KANSL1L: variants seen among roughly 807,000 people sequenced by gnomAD.
KANSL1L encodes KAT8 regulatory NSL complex subunit 1-like protein.
A neutral mutation model predicts 108.6 loss-of-function variants in KANSL1L; 25 were observed. That is an observed-to-expected ratio of 0.23 (90% confidence interval 0.17 to 0.32). KANSL1L has a LOEUF of 0.32. Ranked by LOEUF, KANSL1L falls within the 10% of genes least tolerant of loss-of-function variation. The pLI is 1.00. For missense variants in KANSL1L, 1,137 were observed against 1,125.7 expected (o/e 1.01, Z -0.14); for synonymous variants, 405 against 395.1 (o/e 1.03, Z -0.30).
intron 12 of KANSL1L, among the ~76,000 whole-genome samples, chr2:210,026,587 A>G (rs2093940154): frequency 6.6e-6 from 1 of 152,190 alleles, no homozygotes; most frequent in Non-Finnish European, 1.5e-5. Context: ...TTACTTTTTT[A>G]AAGTCCAAAA....
intron 1 of KANSL1L, among the ~76,000 whole-genome samples, chr2:210,168,580 A>G (rs1017023601): frequency 2.0e-5 from 3 of 152,094 alleles, no homozygotes; most frequent in Admixed American, 1.3e-4. Flanking sequence ...TTCATAGAAG[A>G]CAGATGAATG....
intron 6 of KANSL1L, among the ~76,000 whole-genome samples, chr2:210,066,517 C>T (rs770269446): frequency 1.3e-5 from 2 of 152,172 alleles, no homozygotes; most frequent in Non-Finnish European, 2.9e-5. Context: ...TAGGTATATG[C>T]CCTGGTAACC....
chr2:210,069,173 A>G (rs2094488970), intron 6 of KANSL1L, among the ~76,000 whole-genome samples: 1 of 152,210 alleles, frequency 6.6e-6, no homozygotes, highest in Admixed American at 6.5e-5. Context: ...ACCTCACAGT[A>G]GAATATAATT....
In KANSL1L at chr2:210,154,076, T is replaced by G. The variant is rs762714098; in HGVS notation, c.507A>C (p.Gln169His). ...CATTCTCTTGATACCATTTACAGTT[T>G]TGTAGTTGTACTTTATCTACATTAG... ...KDTNVDKVQL[Q>H]NCKWYQENAL... The change falls in exon 2 of 15, where the codon CAA becomes CAC. Residue 169 changes from glutamine (Q) to histidine (H), a missense_variant. By Grantham distance (24) the Gln-to-His change is conservative. Coordinates refer to ENST00000281772, the MANE Select transcript of KANSL1L (RefSeq NM_152519.4). 6.2e-7 allele frequency: 1 copy of G among 1,613,454 alleles called. No individual in the cohort carries two copies. The highest frequency in any genetic ancestry group is 8.5e-7 in the Non-Finnish European group (1 of 1,179,514).
At chr2:210,166,703 C>G (rs933311748) in intron 1 of KANSL1L, among the ~76,000 whole-genome samples, 4 of 151,920 alleles carry the variant, frequency 2.6e-5, no homozygotes, top group Non-Finnish European at 2.9e-5. Context: ...AGCAAAGAAA[C>G]AAACTAGGAA....
At chr2:210,097,605 A>G (rs1225903191) in intron 5 of KANSL1L, among the ~76,000 whole-genome samples, 1 of 152,102 alleles carries the variant, frequency 6.6e-6, no homozygotes, top group Non-Finnish European at 1.5e-5. Flanking sequence ...TATAGGAGTT[A>G]TTAATTATAG....
chr2:210,079,452 T>C (rs2094565499), intron 5 of KANSL1L, among the ~76,000 whole-genome samples: 1 of 150,466 alleles, frequency 6.6e-6, no homozygotes, highest in South Asian at 2.1e-4. Flanking sequence ...AAAAATTAGC[T>C]GGCCCTGGTG....
rs574977588 is a variant in KANSL1L at position 210,046,095 on chromosome 2, C to A, written c.1756-1991G>T. Among the ~76,000 whole-genome samples the A allele has an allele frequency of 2.0e-5, 3 of 152,122 alleles. No homozygotes were observed. The South Asian group carries it at 6.2e-4, about 31-fold the overall frequency. ...TAACCTCAAATGATGGAAGGAAGAG[C>A]TTTCTGGGGTTCCTTTTATAAGGGC... On this transcript the variant is annotated intron_variant, in intron 6 of 14. Transcript: ENST00000281772.
intron 6 of KANSL1L, among the ~76,000 whole-genome samples, chr2:210,069,555 G>GTGAGTGAT (rs2125307147): frequency 6.6e-6 from 1 of 152,112 alleles, no homozygotes; most frequent in South Asian, 2.1e-4. Flanking sequence ...TTACCATAAG[G>GTGAGTGAT]TGAGTGATTT....
intron 2 of KANSL1L, among the ~76,000 whole-genome samples, chr2:210,146,001 G>A (rs1327592475): frequency 6.6e-6 from 1 of 152,086 alleles, no homozygotes. Context: ...TGGTGGTGGT[G>A]GGGGTAGAGG....
upstream of KANSL1L, chr2:210,171,779 C>CG (rs1207340473): frequency 6.6e-6 from 1 of 152,292 alleles, no homozygotes; most frequent in East Asian, 1.9e-4. Context: ...CCGTCCGCGC[C>CG]GGGGCCTCGA....
chr2:210,023,927 TTTG>T (rs2125109511), intron 14 of KANSL1L, 103 bp downstream of exon 14: 1 of 667,054 alleles, frequency 1.5e-6, no homozygotes, highest in African/African-American at 1.9e-5. Context: ...ACTTATTGAA[TTTG>T]TTATGTAATG....
chr2:210,040,428 G>T lies in KANSL1L; in HGVS notation c.2021C>A (p.Pro674Gln). The T allele has an allele frequency of 7.2e-7, 1 of 1,395,958 alleles. No individual in the cohort carries two copies. The highest frequency in any genetic ancestry group is 1.0e-6 in the Non-Finnish European group (1 of 983,706). The allele number at this position is 1,395,958 out of a possible 1,614,324, so 86.5% of individuals were successfully genotyped here. A position where few individuals can be genotyped will look rare whatever the true frequency, so the allele number is the denominator to read the frequency against. Residue 674 changes from proline to glutamine, a missense_variant, in exon 8 of 15, where the codon CCA becomes CAA. Pro to Gln is a moderately conservative substitution (Grantham distance 76, BLOSUM62 -1). This residue lies in a region of KANSL1L where 575 missense variants were observed against 567.1 expected (regional missense o/e 1.01). Transcript: ENST00000281772. ...NKFVDEYIIS[P>Q]SPVHSTLNQW... is the part of the protein sequence containing the mutation. The stretch of plus-strand genomic sequence containing the variant: ...CTGTAAATGTGACATACCAGGTGAT[G>T]GAGATATGATATATTCATCTACAAA...
intron 3 of KANSL1L, among the ~76,000 whole-genome samples, chr2:210,112,125 G>T (rs1352736727): frequency 1.3e-5 from 2 of 152,080 alleles, no homozygotes; most frequent in Non-Finnish European, 2.9e-5. Flanking sequence ...TCTTAATCCA[G>T]ACTATCGTTG....
intron 3 of KANSL1L, among the ~76,000 whole-genome samples, chr2:210,114,956 G>C (rs1425217196): frequency 6.6e-6 from 1 of 151,342 alleles, no homozygotes; most frequent in Non-Finnish European, 1.5e-5. Context: ...AAAAGGAAAT[G>C]AGAAAGAAAT....
intron 5 of KANSL1L, among the ~76,000 whole-genome samples, chr2:210,091,939 A>G (rs2094696209): frequency 6.6e-6 from 1 of 152,150 alleles, no homozygotes; most frequent in African/African-American, 2.4e-5. Context: ...CTGTGTATAG[A>G]GTTTCTAGGT....
chr2:210,093,255 C>T (rs778884382), intron 5 of KANSL1L, among the ~76,000 whole-genome samples: 7 of 152,280 alleles, frequency 4.6e-5, no homozygotes, highest in South Asian at 2.1e-4. Context: ...AGGAGATTCT[C>T]GTGCCTCAGC....
Position 210,024,219 on chromosome 2 carries a change from A to AAAAC in KANSL1L, c.2565-22_2565-19dup. 1.3e-6 allele frequency: 2 copies of AAAAC among 1,528,894 alleles called. No individual in the cohort carries two copies. Among genetic ancestry groups the AAAAC allele is most frequent in the South Asian group, 2.5e-5 (2 of 80,402 alleles). The allele number at this position is 1,528,894 out of a possible 1,614,324, so 94.7% of individuals were successfully genotyped here. ...TGTAAGCTCTAGCAAGAAAATCAGG[A>AAAAC]AAACACAATTATTTTTTATTTTTTG... is the stretch of plus-strand genomic sequence containing the variant. On this transcript the variant is annotated intron_variant, in intron 13 of 14. Coordinates refer to ENST00000281772, the MANE Select transcript of KANSL1L (RefSeq NM_152519.4).
intron 3 of KANSL1L, among the ~76,000 whole-genome samples, chr2:210,119,563 T>C (rs946482990): frequency 6.6e-6 from 1 of 152,174 alleles, no homozygotes; most frequent in Non-Finnish European, 1.5e-5. Context: ...TGATAGATCA[T>C]ATCAACAGAA....
Sources: allele counts gnomAD v4.1 joint callset (sites outside exome capture counted in the v4.1 genomes callset), GRCh38; gene constraint gnomAD v4.1.1; regional missense constraint gnomAD v4.1.1; transcripts MANE v1.5; gene names NCBI Gene and HGNC (gene_info 2026-07-23, HGNC 2026-07-21).